CFAP54: variants seen among roughly 807,000 people sequenced by gnomAD.
The protein encoded by CFAP54 is cilia and flagella associated protein 54, also known as cilia- and flagella-associated protein 54.
Under a neutral mutation model 370.4 loss-of-function variants are expected in CFAP54, and 290 were observed. That is an observed-to-expected ratio of 0.78 (90% CI 0.71 to 0.86). The LOEUF (loss-of-function observed/expected upper bound fraction) is 0.86. Among genes scored for constraint, CFAP54 ranks in the 40% least tolerant of loss-of-function variants. The pLI is 0.00. For missense variants in CFAP54, 3,399 were observed against 3,528.7 expected (o/e 0.96, Z 0.93); for synonymous variants, 1,206 against 1,236.5 (o/e 0.98, Z 0.52).
chr12:96,677,313 G>T (rs1957223056), intron 39 of CFAP54, among the ~76,000 whole-genome samples: 1 of 152,108 alleles, frequency 6.6e-6, no homozygotes, highest in South Asian at 2.1e-4. Context: ...CACCTGATGA[G>T]AAATAAATTT....
At chr12:96,561,089 G>A (rs1457451591) in intron 17 of CFAP54, among the ~76,000 whole-genome samples, 1 of 152,104 alleles carries the variant, frequency 6.6e-6, no homozygotes, top group African/African-American at 2.4e-5. Flanking sequence ...GTGGGAGGGA[G>A]GCCCTTCACA....
Position 96,522,638 on chromosome 12 carries a change from A to G in CFAP54, c.1158+449A>G, listed in dbSNP as rs146640062. Among the ~76,000 whole-genome samples, 407 of 152,336 alleles carry G rather than the reference A, an allele frequency of 2.7e-3. 1 individual carries two copies. The highest frequency in any genetic ancestry group is 9.1e-3 in the African/African-American group (378 of 41,578). Reference sequence around the variant, plus strand: ...TCAGGAGCTAGGTTATCCAGTAGCAACAAACAACACCCGTACCTCAGGTGG... The same window carrying G: ...TCAGGAGCTAGGTTATCCAGTAGCAGCAAACAACACCCGTACCTCAGGTGG... On this transcript the variant is annotated intron_variant, in intron 8 of 67. Transcript: ENST00000524981.
intron 60 of CFAP54, among the ~76,000 whole-genome samples, chr12:96,772,778 C>A (rs112709688): frequency 0.017 from 2,555 of 152,162 alleles, 73 homozygotes; most frequent in African/African-American, 0.058. Context: ...CACAACCATG[C>A]CCGGCTAATT....
chr12:96,592,564 G>T lies in CFAP54; in HGVS notation c.3287G>T (p.Ser1096Ile). ...TTTCTTAGAAATATTTTTGTAACAAGTGACATCAAAATTAAAGAAGAAAAT... is the reference window on the plus strand; with the variant it reads ...TTTCTTAGAAATATTTTTGTAACAATTGACATCAAAATTAAAGAAGAAAAT... ...YLFLRNIFVT[S>I]DIKIKEENLF... Residue 1096 changes from serine (S) to isoleucine (I), a missense_variant, in exon 24 of 68, where the codon AGT (serine) becomes ATT (isoleucine). Transcript: ENST00000524981. 8.3e-7 allele frequency: 1 copy of T among 1,207,434 alleles called. No individual in the cohort carries two copies. The allele number at this position is 1,207,434 out of a possible 1,614,324, so 74.8% of individuals were successfully genotyped here. A position where few individuals can be genotyped will look rare whatever the true frequency, so the allele number is the denominator to read the frequency against.
intron 48 of CFAP54, 43 bp from the exon 49 acceptor site, chr12:96,718,400 C>G (rs748278359): frequency 1.1e-6 from 1 of 910,618 alleles, no homozygotes; most frequent in Non-Finnish European, 1.8e-6. Flanking sequence ...TTTAAACTAA[C>G]CATAGATATC....
intron 66 of CFAP54, among the ~76,000 whole-genome samples, chr12:96,846,333 T>A (rs1260799818): frequency 6.6e-6 from 1 of 152,206 alleles, no homozygotes; most frequent in African/African-American, 2.4e-5. Context: ...ATCAGGCCTC[T>A]ACACCCTGTG....
intron 65 of CFAP54, among the ~76,000 whole-genome samples, chr12:96,825,682 A>ATATAT (rs1959090573): frequency 8.2e-6 from 1 of 122,414 alleles, no homozygotes; most frequent in Non-Finnish European, 1.6e-5. Context: ...ATTATATATA[A>ATATAT]CATATCACGA....
intron 9 of CFAP54, among the ~76,000 whole-genome samples, chr12:96,530,374 C>T (rs1431842389): frequency 6.6e-6 from 1 of 152,190 alleles, no homozygotes; most frequent in Non-Finnish European, 1.5e-5. Flanking sequence ...CCTGTAGTCC[C>T]AGCTACTTGG....
At chr12:96,687,984 G>A (rs921069040) in intron 42 of CFAP54, among the ~76,000 whole-genome samples, 10 of 152,102 alleles carry the variant, frequency 6.6e-5, no homozygotes, top group African/African-American at 2.4e-4. Context: ...ATTCTACGGG[G>A]GCTTTGGCTG....
chr12:96,833,986 A>G (rs771467554), intron 66 of CFAP54, among the ~76,000 whole-genome samples: 1 of 152,182 alleles, frequency 6.6e-6, no homozygotes, highest in African/African-American at 2.4e-5. Flanking sequence ...AGAATGTGCA[A>G]GGTCTCACAG....
At chr12:96,581,286 T>C (rs1025846639) in intron 22 of CFAP54, among the ~76,000 whole-genome samples, 181 bp downstream of exon 22, 9 of 152,184 alleles carry the variant, frequency 5.9e-5, no homozygotes, top group Non-Finnish European at 2.9e-5. Context: ...ATTAGTAAAT[T>C]TGCTTTTTGA....
chr12:96,583,419 G>A (rs1447363111), intron 22 of CFAP54, among the ~76,000 whole-genome samples: 2 of 152,116 alleles, frequency 1.3e-5, no homozygotes, highest in Non-Finnish European at 2.9e-5. Flanking sequence ...TAAAATGGAT[G>A]TAAGACAAAA....
At chr12:96,623,960 G>A in intron 28 of CFAP54, 79 bp downstream of exon 28, 3 of 903,770 alleles carry the variant, frequency 3.3e-6, no homozygotes, top group Non-Finnish European at 5.1e-6. Context: ...AAAGGATTAA[G>A]ATGAGATTAG....
At position 96,710,256 on chromosome 12, in the gene CFAP54, C is replaced by T. The variant is rs560780368; in HGVS notation, c.6724+1453C>T. ...GTTACAGTTTCCAAGAGGAAGGGTG[C>T]GCCACACCACTGTGGGAGAAGGGAA... is the stretch of plus-strand genomic sequence containing the variant. On this transcript the variant is annotated intron_variant, in intron 48 of 67. Coordinates refer to ENST00000524981, the MANE Select transcript of CFAP54 (RefSeq NM_001306084.2). Among the ~76,000 whole-genome samples, 66 of 152,136 alleles carry T rather than the reference C, an allele frequency of 4.3e-4. 1 individual carries two copies. The highest frequency in any genetic ancestry group is 1.8e-4 in the Non-Finnish European group (12 of 68,018).
At chr12:96,633,074 A>G (rs890210910) in intron 32 of CFAP54, among the ~76,000 whole-genome samples, 1 of 152,188 alleles carries the variant, frequency 6.6e-6, no homozygotes, top group African/African-American at 2.4e-5. Context: ...CTGATCTTCT[A>G]AACAACTTGA....
chr12:96,545,908 G>A (rs1004252352), intron 14 of CFAP54, among the ~76,000 whole-genome samples: 2 of 152,188 alleles, frequency 1.3e-5, no homozygotes, highest in African/African-American at 4.8e-5. Flanking sequence ...GGGCATGGAA[G>A]CGCCATGCCC....
intron 17 of CFAP54, among the ~76,000 whole-genome samples, chr12:96,561,589 T>C (rs1955816740): frequency 6.6e-6 from 1 of 151,928 alleles, no homozygotes; most frequent in African/African-American, 2.4e-5. Context: ...ATTTTTCCAA[T>C]GATATTTGGT....
chr12:96,759,017 T>C (rs1958301441), intron 58 of CFAP54, among the ~76,000 whole-genome samples: 1 of 152,164 alleles, frequency 6.6e-6, no homozygotes, highest in African/African-American at 2.4e-5. Context: ...TGGGCTTTTC[T>C]GTTTCATCCT....
Position 96,786,805 on chromosome 12 carries a change from T to G in CFAP54, c.8586T>G (p.Ser2862=). Residue 2862 remains serine, a synonymous_variant, in exon 62 of 68, where the codon TCT becomes TCG. Transcript: ENST00000524981. ...TTAAAAAATTCTTACAGCTGTATTC[T>G]TCTTCTTGTATTGATGAATTTCCAA... The part of the protein sequence containing the change: ...FFLKKFLQLY[S]SSCIDEFPKE... 6.5e-7 allele frequency: 1 copy of G among 1,535,810 alleles called. No homozygotes were observed. The highest frequency in any genetic ancestry group is 1.4e-5 in the African/African-American group (1 of 73,174).
Sources: gnomAD v4.1 joint callset for allele counts (sites outside exome capture counted in the v4.1 genomes callset) on GRCh38, gnomAD v4.1.1 for gene constraint, MANE v1.5 for transcripts, NCBI Gene and HGNC (gene_info 2026-07-23, HGNC 2026-07-21) for gene names.